CDK6: variants seen among roughly 807,000 people sequenced by gnomAD.
CDK6 encodes cyclin dependent kinase 6.
In CDK6, 6 loss-of-function variants were observed where a neutral mutation model predicts 37.1. The ratio of observed to expected loss-of-function variants is 0.16; its 90% confidence interval spans 0.09 to 0.32. The LOEUF (loss-of-function observed/expected upper bound fraction) is 0.32. Among genes scored for constraint, CDK6 ranks in the 10% least tolerant of loss-of-function variants. The pLI is 1.00. For missense variants in CDK6, 224 were observed against 418.9 expected (o/e 0.53, Z 4.06); for synonymous variants, 160 against 161.3 (o/e 0.99, Z 0.06).
chr7:92,655,883 AC>A (rs1355547017), intron 5 of CDK6, among the ~76,000 whole-genome samples: 1 of 152,258 alleles, frequency 6.6e-6, no homozygotes, highest in African/African-American at 2.4e-5. Flanking sequence ...GTGCATTTGC[AC>A]ATACACACAC....
Position 92,607,487 on chromosome 7 carries a change from T to G in CDK6, c.*7653A>C, listed in dbSNP as rs1486770150. On this transcript the variant is annotated 3_prime_UTR_variant, in exon 8 of 8. Transcript: ENST00000424848. The stretch of plus-strand genomic sequence containing the variant: ...TAAAACACCTAGATACCCAAAATAC[T>G]ACATCTATATATTCAAATCTACTAA... The G allele has an allele frequency of 4.3e-6, 1 of 232,862 alleles. No individual in the cohort carries two copies. The highest frequency in any genetic ancestry group is 8.5e-6 in the Non-Finnish European group (1 of 117,924). The allele number at this position is 232,862 out of a possible 1,614,324, so 14.4% of individuals were successfully genotyped here.
At chr7:92,771,262 A>C (rs1359679682) in intron 3 of CDK6, among the ~76,000 whole-genome samples, 7 of 149,456 alleles carry the variant, frequency 4.7e-5, no homozygotes, top group African/African-American at 1.7e-4. Flanking sequence ...AATAAAAATA[A>C]AGTATCTTAG....
In CDK6 at chr7:92,824,688, G is replaced by C. The variant is rs76034277; in HGVS notation, c.233+8403C>G. ...GAAAGTGCTACCAATCAGTAATACA[G>C]ATATCTGTGTACATGTCAGTTTCTT... On this transcript the variant is annotated intron_variant, in intron 2 of 7. Transcript: ENST00000424848. Among the ~76,000 whole-genome samples the C allele has an allele frequency of 7.2e-5, 11 of 152,218 alleles. No individual in the cohort carries two copies. In the East Asian group the frequency reaches 1.9e-3, roughly 27 times the overall value.
chr7:92,707,522 A>T (rs1228887953), intron 4 of CDK6, among the ~76,000 whole-genome samples: 2 of 152,232 alleles, frequency 1.3e-5, no homozygotes, highest in Non-Finnish European at 2.9e-5. Context: ...CACTTGAATC[A>T]ATTCAAGACT....
intron 2 of CDK6, among the ~76,000 whole-genome samples, chr7:92,813,944 A>C (rs923224275): frequency 6.6e-6 from 1 of 152,208 alleles, no homozygotes; most frequent in Non-Finnish European, 1.5e-5. Flanking sequence ...AACACACCAC[A>C]GTGAGTAAAC....
At chr7:92,796,243 A>G (rs1562967644) in intron 2 of CDK6, among the ~76,000 whole-genome samples, 1 of 152,014 alleles carries the variant, frequency 6.6e-6, no homozygotes, top group African/African-American at 2.4e-5. Flanking sequence ...AGACATATGG[A>G]TATTTAATCA....
At chr7:92,787,655 C>A (rs1171155813) in intron 2 of CDK6, among the ~76,000 whole-genome samples, 2 of 151,954 alleles carry the variant, frequency 1.3e-5, no homozygotes, top group Non-Finnish European at 2.9e-5. Context: ...AATCCCCTCC[C>A]AATATGGAGT....
intron 5 of CDK6, among the ~76,000 whole-genome samples, chr7:92,627,275 T>C (rs559172597): frequency 8.5e-5 from 13 of 152,052 alleles, no homozygotes; most frequent in Non-Finnish European, 1.5e-4. Flanking sequence ...AGTAGACTGG[T>C]GGTTGCCTGG....
intron 4 of CDK6, among the ~76,000 whole-genome samples, chr7:92,716,224 T>C (rs1798226956): frequency 6.6e-6 from 1 of 152,212 alleles, no homozygotes; most frequent in Admixed American, 6.5e-5. Context: ...GATTCATTTG[T>C]AAAAGCAGGG....
At chr7:92,794,352 G>A (rs559091723) in intron 2 of CDK6, among the ~76,000 whole-genome samples, 2 of 152,110 alleles carry the variant, frequency 1.3e-5, no homozygotes, top group Admixed American at 1.3e-4. Flanking sequence ...CTGTAAATGA[G>A]AGAGCCAGGA....
At chr7:92,740,716 G>A (rs553445716) in intron 3 of CDK6, among the ~76,000 whole-genome samples, 4 of 152,146 alleles carry the variant, frequency 2.6e-5, no homozygotes, top group South Asian at 2.1e-4. Context: ...TTTGTATCAT[G>A]AGCCAACTTG....
chr7:92,735,746 G>A (rs1336114324), intron 3 of CDK6, among the ~76,000 whole-genome samples: 1 of 152,070 alleles, frequency 6.6e-6, no homozygotes, highest in Non-Finnish European at 1.5e-5. Flanking sequence ...GCATTAAGAT[G>A]AATTATAGTG....
At chr7:92,792,075 GA>G (rs1354871176) in intron 2 of CDK6, among the ~76,000 whole-genome samples, 4 of 152,090 alleles carry the variant, frequency 2.6e-5, no homozygotes, top group Non-Finnish European at 5.9e-5. Flanking sequence ...GATTATAGGA[GA>G]ATAAAATTGG....
Position 92,833,597 on chromosome 7 carries a change from G to T in CDK6, c.-274C>A. 3.7e-6 allele frequency: 2 copies of T among 546,556 alleles called. No individual in the cohort carries two copies. Among genetic ancestry groups the T allele is most frequent in the Non-Finnish European group, 3.2e-6 (1 of 316,332 alleles). The allele number at this position is 546,556 out of a possible 1,614,324, so 33.9% of individuals were successfully genotyped here. On this transcript the variant is annotated 5_prime_UTR_variant, in exon 2 of 8. Transcript: ENST00000424848. The surrounding 1 kb of genome is among the most constrained non-coding windows in gnomAD (Gnocchi z 6.1). ...GCCGCCGCCGCCGGAGGAGCGAGCC[G>T]ATCCCTCCTCTTCCCTCCTCGAAGC...
At chr7:92,626,286 G>C (rs1562915073) in intron 5 of CDK6, among the ~76,000 whole-genome samples, 1 of 151,968 alleles carries the variant, frequency 6.6e-6, no homozygotes, top group Non-Finnish European at 1.5e-5. Flanking sequence ...TATAATGTAA[G>C]TCATATGATA....
intron 2 of CDK6, among the ~76,000 whole-genome samples, chr7:92,828,081 ATAT>A (rs1293657341): frequency 6.6e-6 from 1 of 152,126 alleles, no homozygotes; most frequent in Non-Finnish European, 1.5e-5. Context: ...AATGAATTCA[ATAT>A]TATTAATGAA....
At chr7:92,621,642 T>C (rs1330521475) in intron 6 of CDK6, among the ~76,000 whole-genome samples, 1 of 152,188 alleles carries the variant, frequency 6.6e-6, no homozygotes, top group Non-Finnish European at 1.5e-5. Context: ...GCACACAAAA[T>C]ATATTCAACA....
intron 2 of CDK6, among the ~76,000 whole-genome samples, chr7:92,819,379 C>G (rs904888027): frequency 9.2e-5 from 14 of 151,882 alleles, no homozygotes; most frequent in African/African-American, 3.4e-4. Flanking sequence ...TGGCAGGGGT[C>G]CTGGTAGAGG....
At chr7:92,637,542 T>C (rs1796201360) in intron 5 of CDK6, among the ~76,000 whole-genome samples, 1 of 152,196 alleles carries the variant, frequency 6.6e-6, no homozygotes, top group Non-Finnish European at 1.5e-5. Context: ...CTAAAAAGTG[T>C]TGAGTAAATA....
Sources: allele counts gnomAD v4.1 joint callset (sites outside exome capture counted in the v4.1 genomes callset), GRCh38; gene constraint gnomAD v4.1.1; non-coding constraint Gnocchi (gnomAD v3.1); transcripts MANE v1.5; gene names NCBI Gene and HGNC (gene_info 2026-07-23, HGNC 2026-07-21).